MNS1: variants seen among roughly 807,000 people sequenced by gnomAD.
The protein encoded by MNS1 is meiosis-specific nuclear structural protein 1.
Under a neutral mutation model 72.0 loss-of-function variants are expected in MNS1, and 63 were observed. That is an observed-to-expected ratio of 0.87 (90% CI 0.71 to 1.08). The LOEUF is 1.08. MNS1 is among the 50% of genes least tolerant of loss of function. The probability of loss-of-function intolerance (pLI) is 0.00; values close to 1 mark genes in which losing one functional copy is unlikely to be tolerated. For synonymous variants in MNS1, 188 were observed against 172.1 expected (o/e 1.09, Z -0.72); for missense variants, 604 against 562.4 (o/e 1.07, Z -0.75).
chr15:56,430,113 T>G (rs939762328), intron 9 of MNS1: 47 of 152,230 alleles, frequency 3.1e-4, no homozygotes, highest in African/African-American at 1.0e-3. Context: ...ATGCACTTGA[T>G]TCTACTGAAT....
At chr15:56,433,002 G>T (rs2162216) in intron 8 of MNS1, among the ~76,000 whole-genome samples, 19,391 of 152,042 alleles carry the variant, frequency 0.13, 1,634 homozygotes, top group East Asian at 0.37. Context: ...TTACGGATGA[G>T]ACATAAATAA....
At chr15:56,443,883 T>C in intron 5 of MNS1, 29 bp from the exon 6 acceptor site, 4 of 1,450,100 alleles carry the variant, frequency 2.8e-6, no homozygotes, top group Non-Finnish European at 3.7e-6. Context: ...TACAGATTTA[T>C]AGTAAACAAT....
intron 7 of MNS1, among the ~76,000 whole-genome samples, chr15:56,442,180 G>A (rs811257): frequency 0.031 from 4,646 of 152,108 alleles, 180 homozygotes; most frequent in East Asian, 0.091. Context: ...AAACCACAAT[G>A]AGATACTATC....
intron 2 of MNS1, among the ~76,000 whole-genome samples, chr15:56,461,724 T>TGAGA (rs1180590399): frequency 7.1e-6 from 1 of 141,690 alleles, no homozygotes; most frequent in Non-Finnish European, 1.5e-5. Context: ...TGGCCAAGGA[T>TGAGA]GAGATAATTT....
chr15:56,434,141 G>A lies in MNS1; in HGVS notation c.1266C>T (p.Asp422=). Reference sequence around the variant, plus strand: ...AAACCCCACAACTTTTTCTTACTTTGTCTGCAAGGAATTGTTGGCGACGCT... The same window carrying A: ...AAACCCCACAACTTTTTCTTACTTTATCTGCAAGGAATTGTTGGCGACGCT... ...IEERRQQFLA[D]KQRELEEWQL... The change falls in exon 8 of 10, where the codon GAC becomes GAT. Residue 422 remains aspartate (D), a synonymous_variant. Transcript: ENST00000260453. 6.2e-7 allele frequency: 1 copy of A among 1,606,820 alleles called. No individual in the cohort carries two copies. The highest frequency in any genetic ancestry group is 8.5e-7 in the Non-Finnish European group (1 of 1,177,630).
At chr15:56,436,076 G>C (rs1068681) in intron 7 of MNS1, among the ~76,000 whole-genome samples, 4,711 of 152,112 alleles carry the variant, frequency 0.031, 179 homozygotes, top group East Asian at 0.091. Flanking sequence ...GGATATCCAG[G>C]AATTGAACTC....
intron 8 of MNS1, among the ~76,000 whole-genome samples, chr15:56,432,679 G>A (rs1026221364): frequency 5.9e-5 from 9 of 152,278 alleles, no homozygotes; most frequent in Non-Finnish European, 4.4e-5. Flanking sequence ...CTGATTTCTA[G>A]TTAGTTGTCT....
chr15:56,443,767 C>CT lies in MNS1; in HGVS notation c.773dup (p.Lys259GlufsTer3), dbSNP rs761116738. On this transcript the variant is annotated frameshift_variant, in exon 6 of 10. Coordinates refer to ENST00000260453, the MANE Select transcript of MNS1 (RefSeq NM_018365.4). LOFTEE classifies it high-confidence loss of function. ...TTTCTTCTTCCATCTCCTCACGTTTCTTTTTTCTCCAGAGAGCCTGCTCTT... is the reference window on the plus strand; with the variant it reads ...TTTCTTCTTCCATCTCCTCACGTTTCTTTTTTTCTCCAGAGAGCCTGCTCTT... 4 of 1,613,014 alleles carry CT rather than the reference C, an allele frequency of 2.5e-6. No individual in the cohort carries two copies. Among genetic ancestry groups the CT allele is most frequent in the Non-Finnish European group, 3.4e-6 (4 of 1,179,588 alleles).
At chr15:56,457,779 C>T (rs1461233604) in intron 2 of MNS1, among the ~76,000 whole-genome samples, 1 of 151,644 alleles carries the variant, frequency 6.6e-6, no homozygotes, top group Non-Finnish European at 1.5e-5. Flanking sequence ...CATGCCACTG[C>T]ACTCCAGCTG....
At chr15:56,451,455 T>C (rs2050946272) in intron 3 of MNS1, among the ~76,000 whole-genome samples, 1 of 152,214 alleles carries the variant, frequency 6.6e-6, no homozygotes. Context: ...AAATTTCTTA[T>C]AAAATTGGTT....
chr15:56,443,424 A>G lies in MNS1; in HGVS notation c.1011+6T>C. On this transcript the variant is annotated splice_donor_region_variant and intron_variant, in intron 7 of 9. Coordinates refer to ENST00000260453, the MANE Select transcript of MNS1 (RefSeq NM_018365.4). ...ATTAATCATTCTTTCCATTTCTGAA[A>G]CTTACTTTTAGCTTGCTCTTATATA... is the stretch of plus-strand genomic sequence containing the variant. The G allele has an allele frequency of 6.5e-7, 1 of 1,548,962 alleles. No homozygotes were observed. The highest frequency in any genetic ancestry group is 8.7e-7 in the Non-Finnish European group (1 of 1,153,400).
chr15:56,449,158 T>G (rs1326810575), intron 3 of MNS1, among the ~76,000 whole-genome samples: 2 of 152,186 alleles, frequency 1.3e-5, no homozygotes, highest in African/African-American at 4.8e-5. Context: ...CTTTGCTTTT[T>G]CTTGCCCTAT....
intron 7 of MNS1, among the ~76,000 whole-genome samples, chr15:56,435,409 A>C (rs769786430): frequency 3.3e-5 from 5 of 151,898 alleles, no homozygotes; most frequent in Non-Finnish European, 7.4e-5. Context: ...AGTGAAATGG[A>C]CAGACCTTTA....
At chr15:56,440,252 T>TA (rs527332253) in intron 7 of MNS1, among the ~76,000 whole-genome samples, 1 of 151,966 alleles carries the variant, frequency 6.6e-6, no homozygotes. Flanking sequence ...GTGGCTAAAA[T>TA]AAAAAATTGT....
chr15:56,460,013 C>CATATAT (rs367624285), intron 2 of MNS1, among the ~76,000 whole-genome samples: 625 of 34,568 alleles, frequency 0.018, 84 homozygotes, highest in African/African-American at 0.031. Flanking sequence ...AAAAAAAATA[C>CATATAT]ATATATATAT....
intron 3 of MNS1, chr15:56,447,722 T>A (rs566610908): frequency 9.8e-5 from 15 of 152,326 alleles, no homozygotes; most frequent in African/African-American, 3.1e-4. Flanking sequence ...TTTTTACATA[T>A]GTATGCACCT....
At chr15:56,429,273 A>T in intron 9 of MNS1, 80 bp from the exon 10 acceptor site, 1 of 874,670 alleles carries the variant, frequency 1.1e-6, no homozygotes, top group Non-Finnish European at 1.8e-6. Context: ...CAGACATAAG[A>T]TTAGTAAAGT....
chr15:56,462,342 C>T (rs2140385090), intron 2 of MNS1, among the ~76,000 whole-genome samples: 1 of 152,246 alleles, frequency 6.6e-6, no homozygotes, highest in South Asian at 2.1e-4. Context: ...TTCCTAAACC[C>T]ACTGATCAAT....
intron 3 of MNS1, among the ~76,000 whole-genome samples, chr15:56,451,419 T>C (rs1263655106): frequency 6.6e-6 from 1 of 152,180 alleles, no homozygotes; most frequent in Non-Finnish European, 1.5e-5. Flanking sequence ...ATTTGCTTGA[T>C]TGCAATAAAC....
Sources: gnomAD v4.1 joint callset for allele counts (sites outside exome capture counted in the v4.1 genomes callset) on GRCh38, gnomAD v4.1.1 for gene constraint, MANE v1.5 for transcripts, NCBI Gene and HGNC (gene_info 2026-07-23, HGNC 2026-07-21) for gene names.